Variants in NFIB observed in about 807,000 individuals in gnomAD.
The protein encoded by NFIB is nuclear factor 1 B-type.
In NFIB, 11 loss-of-function variants were observed where a neutral mutation model predicts 61.5. The ratio of observed to expected loss-of-function variants is 0.18; its 90% CI spans 0.11 to 0.30. The LOEUF (loss-of-function observed/expected upper bound fraction) is 0.30. Among genes scored for constraint, NFIB ranks in the 10% least tolerant of loss-of-function variants. The pLI, the probability that NFIB is intolerant of heterozygous loss-of-function variation, is 1.00. For synonymous variants in NFIB, 260 were observed against 216.5 expected, an observed-to-expected ratio of 1.20 and a Z score of -1.76; for missense variants, 471 against 608.9, an observed-to-expected ratio of 0.77 and a Z score of 2.38.
intron 2 of NFIB, among the ~76,000 whole-genome samples, chr9:14,237,943 C>A (rs1458171119): frequency 6.7e-6 from 1 of 149,268 alleles, no homozygotes; most frequent in Admixed American, 6.8e-5. Context: ...AAAGTCCTAA[C>A]CCACATGAGG....
At chr9:14,093,580 C>G (rs1227001508) in intron 10 of NFIB, 7 of 152,000 alleles carry the variant, frequency 4.6e-5, no homozygotes, top group Non-Finnish European at 1.0e-4. Context: ...GCCTTTAGTT[C>G]CTTTGCAACA....
the NFIB span, among the ~76,000 whole-genome samples, chr9:14,496,635 A>T: frequency 6.6e-6 from 1 of 152,118 alleles, no homozygotes; most frequent in Non-Finnish European, 1.5e-5. Context: ...TTCGTAGTCC[A>T]TCTAAGTCAT....
intron 2 of NFIB, among the ~76,000 whole-genome samples, chr9:14,245,317 C>T (rs1458960607): frequency 6.6e-6 from 1 of 152,166 alleles, no homozygotes; most frequent in Non-Finnish European, 1.5e-5. Flanking sequence ...TCTATTCCTA[C>T]CAGTACAAGC....
At chr9:14,197,141 T>A (rs953011292) in intron 2 of NFIB, among the ~76,000 whole-genome samples, 11 of 152,232 alleles carry the variant, frequency 7.2e-5, no homozygotes, top group African/African-American at 2.7e-4. Flanking sequence ...TGTGCTTTAT[T>A]CTGACCCTTT....
In NFIB at chr9:14,250,184, G is replaced by C. The variant is rs556763474; in HGVS notation, c.562+56805C>G. 3.9e-5 allele frequency among the ~76,000 whole-genome samples: 6 copies of C among 152,276 alleles called. No individual in the cohort carries two copies. In the South Asian group the frequency reaches 1.2e-3, roughly 32 times the overall value. On this transcript the variant is annotated intron_variant, in intron 2 of 10. Coordinates refer to ENST00000380953, the MANE Select transcript of NFIB (RefSeq NM_001190737.2). ...GGGTCTTTTGAGTTTATGGCCTGTT[G>C]AGCACTTTTGTGCTGAGTCAAGGAA...
At chr9:14,381,009 T>C (rs2061481878) in intron 1 of NFIB, among the ~76,000 whole-genome samples, 1 of 141,068 alleles carries the variant, frequency 7.1e-6, no homozygotes, top group African/African-American at 2.6e-5. Context: ...GGGAGGCAAA[T>C]GTTGCAGTGA....
intron 8 of NFIB, among the ~76,000 whole-genome samples, chr9:14,118,768 CTTT>C (rs35334290): frequency 6.2e-5 from 8 of 129,012 alleles, no homozygotes; most frequent in Admixed American, 2.3e-4. Context: ...TTTTCTTTTT[CTTT>C]TTTTTTTTTT....
At chr9:14,355,660 A>G (rs1347505360) in intron 1 of NFIB, among the ~76,000 whole-genome samples, 1 of 152,222 alleles carries the variant, frequency 6.6e-6, no homozygotes, top group Admixed American at 6.5e-5. Context: ...GTTGGCTTAA[A>G]TACCCTGCTT....
intron 10 of NFIB, among the ~76,000 whole-genome samples, chr9:14,089,710 T>TG (rs113643940): frequency 0.083 from 12,643 of 152,190 alleles, 1,743 homozygotes; most frequent in African/African-American, 0.28. Context: ...TGAAGTGAGA[T>TG]AGCACTATTG....
At chr9:14,505,794 T>C in the NFIB span, among the ~76,000 whole-genome samples, 2 of 152,170 alleles carry the variant, frequency 1.3e-5, no homozygotes, top group African/African-American at 2.4e-5. Context: ...AGGGTGGGAA[T>C]TCTTCAAGGG....
intron 1 of NFIB, among the ~76,000 whole-genome samples, chr9:14,377,267 C>A (rs1334934185): frequency 6.6e-6 from 1 of 152,212 alleles, no homozygotes; most frequent in Non-Finnish European, 1.5e-5. Context: ...GTTCCCAAGA[C>A]TGGGGTGCAA....
Position 14,243,367 on chromosome 9 carries a change from A to G in NFIB, c.563-63587T>C, listed in dbSNP as rs569439991. Among the ~76,000 whole-genome samples the G allele has an allele frequency of 2.9e-4, 44 of 152,350 alleles. No individual in the cohort carries two copies. In the South Asian group the frequency reaches 7.9e-3, roughly 27 times the overall value. The stretch of plus-strand genomic sequence containing the variant: ...ATCATAAGGCATTTGAAGGTGGAGA[A>G]GCTGGCATGTGATTCCAAAACAAAT... On this transcript the variant is annotated intron_variant, in intron 2 of 10. Transcript: ENST00000380953.
At chr9:14,433,230 CACTTACAATACAA>C in the NFIB span, among the ~76,000 whole-genome samples, 2 of 152,116 alleles carry the variant, frequency 1.3e-5, no homozygotes, top group African/African-American at 4.8e-5. Context: ...GACATTTAAC[CACTTACAATACAA>C]ACCCCAGTCT....
At chr9:14,458,547 C>T in the NFIB span, among the ~76,000 whole-genome samples, 1 of 152,042 alleles carries the variant, frequency 6.6e-6, no homozygotes, top group Non-Finnish European at 1.5e-5. Flanking sequence ...AAATAAAAGG[C>T]ATTCAATTAG....
intron 2 of NFIB, among the ~76,000 whole-genome samples, chr9:14,245,788 G>A (rs759149560): frequency 2.0e-5 from 3 of 151,956 alleles, no homozygotes; most frequent in East Asian, 1.9e-4. Flanking sequence ...CACGAGAATC[G>A]CTTGAACCCG....
chr9:14,212,943 TTAAGA>T (rs2050466695), intron 2 of NFIB, among the ~76,000 whole-genome samples: 2 of 152,174 alleles, frequency 1.3e-5, no homozygotes, highest in Admixed American at 6.5e-5. Context: ...TTAGCTTAAG[TTAAGA>T]TAACAGCTAC....
At chr9:14,248,994 T>C (rs562789211) in intron 2 of NFIB, among the ~76,000 whole-genome samples, 16 of 152,312 alleles carry the variant, frequency 1.1e-4, no homozygotes, top group African/African-American at 3.8e-4. Context: ...ACTTTTAAAT[T>C]ACATCAGAGA....
At chr9:14,503,584 T>G in the NFIB span, among the ~76,000 whole-genome samples, 1 of 152,234 alleles carries the variant, frequency 6.6e-6, no homozygotes, top group Non-Finnish European at 1.5e-5. Context: ...TAATTAGTGA[T>G]GTTGGGCATT....
chr9:14,320,409 G>A (rs2060634392), intron 1 of NFIB, among the ~76,000 whole-genome samples: 1 of 152,198 alleles, frequency 6.6e-6, no homozygotes, highest in Non-Finnish European at 1.5e-5. Context: ...TATTGCGTCA[G>A]TGAGTTGGAG....
Sources: gnomAD v4.1 joint callset for allele counts (sites outside exome capture counted in the v4.1 genomes callset) on GRCh38, gnomAD v4.1.1 for gene constraint, MANE v1.5 for transcripts, NCBI Gene and HGNC (gene_info 2026-07-23, HGNC 2026-07-21) for gene names.